TENM2: variants seen among roughly 807,000 people sequenced by gnomAD.
TENM2 encodes the protein teneurin-2.
In TENM2, 52 loss-of-function variants were observed where a neutral mutation model predicts 245.2. The observed-to-expected ratio is 0.21, with a 90% confidence interval of 0.17 to 0.27. The LOEUF (loss-of-function observed/expected upper bound fraction) is 0.27. Ranked by LOEUF, TENM2 falls within the 10% of genes least tolerant of loss-of-function variation. The pLI, the probability that TENM2 is intolerant of heterozygous loss-of-function variation, is 1.00. For missense variants in TENM2, 3,046 were observed against 3,666.8 expected (o/e 0.83, Z 4.37); for synonymous variants, 1,363 against 1,438.9 (o/e 0.95, Z 1.19).
chr5:167,572,726 A>T (rs565351309), intron 2 of TENM2, among the ~76,000 whole-genome samples: 9 of 152,304 alleles, frequency 5.9e-5, no homozygotes, highest in Non-Finnish European at 1.0e-4. Flanking sequence ...CATTTGAAAC[A>T]ATTTGAATTG....
At chr5:167,766,367 G>A (rs574088683) in intron 2 of TENM2, among the ~76,000 whole-genome samples, 18 of 152,128 alleles carry the variant, frequency 1.2e-4, no homozygotes, top group Non-Finnish European at 2.1e-4. Context: ...AGAGATTCCC[G>A]CAGTTAACAG....
chr5:167,764,355 A>G (rs1383675812), intron 2 of TENM2, among the ~76,000 whole-genome samples: 2 of 152,146 alleles, frequency 1.3e-5, no homozygotes, highest in Non-Finnish European at 1.5e-5. Flanking sequence ...TTTTTCCATC[A>G]TAGTGCTTCT....
chr5:167,567,974 G>A (rs4868802), intron 2 of TENM2, among the ~76,000 whole-genome samples: 16,047 of 97,528 alleles, frequency 0.16, 2,055 homozygotes, highest in East Asian at 0.5. Context: ...AATATATATT[G>A]TACAAAAAAA....
At chr5:168,195,033 G>A (rs772130577) in intron 14 of TENM2, 143 bp from the exon 17 acceptor site, 41 of 975,734 alleles carry the variant, frequency 4.2e-5, no homozygotes, top group Non-Finnish European at 5.0e-5. Flanking sequence ...TGTCACTAGC[G>A]TGATTGTGCA....
At chr5:168,208,607 A>C (rs1024835874) in intron 19 of TENM2, among the ~76,000 whole-genome samples, 11 of 152,244 alleles carry the variant, frequency 7.2e-5, no homozygotes, top group Admixed American at 5.2e-4. Flanking sequence ...GTTCCACTTA[A>C]AGAACGGAAA....
In TENM2 at chr5:168,093,994, GACACACATACACATAGACATACACAT is replaced by G. The variant is rs1160684569; in HGVS notation, c.1711+3233_1711+3258del. On this transcript the variant is annotated intron_variant, in intron 8 of 28. Transcript: ENST00000518659. Reference sequence around the variant, plus strand: ...ACCCTCCCACACATGCACACACACAGACACACATACACATAGACATACACATACACACAGGCACACACACACATAAG... The same window carrying G: ...ACCCTCCCACACATGCACACACACAGACACACAGGCACACACACACATAAG... 3.7e-3 allele frequency among the ~76,000 whole-genome samples: 556 copies of G among 151,950 alleles called. 4 individuals carry two copies. Among genetic ancestry groups the G allele is most frequent in the African/African-American group, 0.013 (528 of 41,476 alleles).
chr5:167,219,407 C>T, the TENM2 span, among the ~76,000 whole-genome samples: 1 of 152,172 alleles, frequency 6.6e-6, no homozygotes, highest in African/African-American at 2.4e-5. Context: ...ATCTTGATCC[C>T]TTCTAGCCTC....
chr5:167,147,879 G>T, the TENM2 span, among the ~76,000 whole-genome samples: 2 of 152,060 alleles, frequency 1.3e-5, no homozygotes, highest in African/African-American at 4.8e-5. Flanking sequence ...GACCCTGTAG[G>T]TATAGCCAAG....
chr5:167,904,377 G>C (rs1775931541), intron 3 of TENM2, among the ~76,000 whole-genome samples: 2 of 152,164 alleles, frequency 1.3e-5, no homozygotes, highest in Non-Finnish European at 2.9e-5. Context: ...AAGGGATAAA[G>C]ATAGTACAAC....
chr5:167,312,309 G>A (rs1367640458), intron 1 of TENM2, among the ~76,000 whole-genome samples: 3 of 152,180 alleles, frequency 2.0e-5, no homozygotes, highest in African/African-American at 7.2e-5. Context: ...GATGTGATGT[G>A]TTTTAATCAG....
At chr5:166,985,636 T>C in the TENM2 span, among the ~76,000 whole-genome samples, 1 of 152,074 alleles carries the variant, frequency 6.6e-6, no homozygotes, top group Non-Finnish European at 1.5e-5. Context: ...AAATCAAATT[T>C]ATTTATTATA....
intron 2 of TENM2, among the ~76,000 whole-genome samples, chr5:167,478,619 C>T (rs1346452952): frequency 6.6e-6 from 1 of 152,198 alleles, no homozygotes; most frequent in Non-Finnish European, 1.5e-5. Flanking sequence ...CTATATTGGA[C>T]TTATTTTAAT....
chr5:167,155,723 A>C, the TENM2 span, among the ~76,000 whole-genome samples: 1 of 152,232 alleles, frequency 6.6e-6, no homozygotes, highest in African/African-American at 2.4e-5. Flanking sequence ...AAACCAACTC[A>C]AGAATGCCCC....
intron 2 of TENM2, among the ~76,000 whole-genome samples, chr5:167,788,395 T>C (rs906039358): frequency 1.3e-5 from 2 of 152,226 alleles, no homozygotes; most frequent in Admixed American, 6.5e-5. Flanking sequence ...CATAGATTAA[T>C]TGACAGTAAA....
chr5:168,226,367 C>G (rs1340711930), intron 24 of TENM2, 104 bp downstream of exon 26: 19 of 925,540 alleles, frequency 2.1e-5, no homozygotes, highest in Non-Finnish European at 2.9e-5. Context: ...CTTCCAGAGA[C>G]CCAGCGTACC....
At position 168,247,925 on chromosome 5, in the gene TENM2, C is replaced by T. The variant is rs755188070; in HGVS notation, c.6986C>T (p.Pro2329Leu). The T allele has an allele frequency of 4.3e-6, 7 of 1,613,916 alleles. No homozygotes were observed. The highest frequency in any genetic ancestry group is 1.3e-5 in the African/African-American group (1 of 75,020). ...TACTTCTACTCTGACCTCCACAACC[C>T]GACGCGCATCACCCATGTCTACAAT... The change falls in exon 27 of 29, where the codon CCG becomes CTG. Residue 2329 changes from proline (P) to leucine (L), a missense_variant. Transcript: ENST00000518659. This position sits in a 1 kb window ranked among gnomAD's most constrained non-coding sequence, Gnocchi z 7.8.
chr5:168,029,582 G>C (rs1167331087), intron 5 of TENM2, among the ~76,000 whole-genome samples: 1 of 152,184 alleles, frequency 6.6e-6, no homozygotes, highest in Non-Finnish European at 1.5e-5. Flanking sequence ...AGTGGGGAAG[G>C]GGTGGCAATT....
intron 2 of TENM2, among the ~76,000 whole-genome samples, chr5:167,614,963 G>A (rs997731327): frequency 3.3e-5 from 5 of 152,102 alleles, no homozygotes; most frequent in African/African-American, 9.7e-5. Context: ...CTGACTGGAA[G>A]CAAATGCTGC....
At chr5:167,380,120 T>G (rs1048988128) in intron 2 of TENM2, among the ~76,000 whole-genome samples, 9 of 152,232 alleles carry the variant, frequency 5.9e-5, no homozygotes, top group African/African-American at 1.4e-4. Context: ...AGGTTCTGTG[T>G]TTTCCATTCC....
Sources: allele counts gnomAD v4.1 joint callset (sites outside exome capture counted in the v4.1 genomes callset), GRCh38; gene constraint gnomAD v4.1.1; non-coding constraint Gnocchi (gnomAD v3.1); transcripts MANE v1.5; gene names NCBI Gene and HGNC (gene_info 2026-07-23, HGNC 2026-07-21).